Variants in APBB2 observed in about 807,000 individuals in gnomAD.
APBB2 encodes the protein Fe65-like 1.
APBB2 carries 38 observed loss-of-function variants against 82.5 expected under a neutral mutation model. The ratio of observed to expected loss-of-function variants is 0.46; its 90% CI spans 0.36 to 0.60. The LOEUF is 0.60. APBB2 is among the 20% of genes least tolerant of loss of function. APBB2 has a pLI of 0.00. For synonymous variants in APBB2, 341 were observed against 368.2 expected (o/e 0.93, Z 0.85); for missense variants, 772 against 972.3 (o/e 0.79, Z 2.74).
chr4:41,081,814 T>C (rs1373276753), intron 3 of APBB2, among the ~76,000 whole-genome samples: 3 of 152,222 alleles, frequency 2.0e-5, no homozygotes, highest in Non-Finnish European at 4.4e-5. Flanking sequence ...GAATTAAAAT[T>C]GCATTGATCA....
rs546656579 is a variant in APBB2 at position 40,855,766 on chromosome 4, C to T, written c.1530-25189G>A. ...AAAAAACAAAAAAAAGGAAGCAAAA[C>T]GGAAAGTAGGGTTCTTACTGAGCTA... On this transcript the variant is annotated intron_variant, in intron 12 of 17. Coordinates refer to ENST00000508593, the MANE Select transcript of APBB2 (RefSeq NM_004307.2). Among the ~76,000 whole-genome samples, 35 of 151,916 alleles carry T rather than the reference C, an allele frequency of 2.3e-4. 1 individual carries two copies. The highest frequency in any genetic ancestry group is 1.9e-3 in the Admixed American group (29 of 15,276).
At chr4:41,063,280 G>A (rs966113373) in intron 4 of APBB2, among the ~76,000 whole-genome samples, 4 of 152,152 alleles carry the variant, frequency 2.6e-5, no homozygotes, top group Non-Finnish European at 5.9e-5. Context: ...TTATGTAGGT[G>A]CTTATATAAC....
rs779756873 is a variant in APBB2 at position 40,832,914 on chromosome 4, C to T, written c.1530-2337G>A. On this transcript the variant is annotated intron_variant, in intron 12 of 17. Transcript: ENST00000508593. This position sits in a 1 kb window ranked among gnomAD's most constrained non-coding sequence, Gnocchi z 4.8. ...CATCCCTCCTTCCTGTTGGGAAAGT[C>T]GGTCCTTGCTCAGTACTGAATGGGT... Among the ~76,000 whole-genome samples the T allele has an allele frequency of 3.3e-5, 5 of 152,052 alleles. No homozygotes were observed. Among genetic ancestry groups the T allele is most frequent in the Admixed American group, 6.5e-5 (1 of 15,274 alleles).
At chr4:40,847,045 C>A (rs1757886329) in intron 12 of APBB2, among the ~76,000 whole-genome samples, 1 of 152,140 alleles carries the variant, frequency 6.6e-6, no homozygotes, top group African/African-American at 2.4e-5. Context: ...ATAATTTACA[C>A]CATGTTCCAG....
Position 40,814,820 on chromosome 4 carries a change from T to TA in APBB2, c.*1271dup, listed in dbSNP as rs1745190390. The TA allele has an allele frequency of 6.6e-6, 1 of 152,234 alleles. No individual in the cohort carries two copies. Among genetic ancestry groups the TA allele is most frequent in the African/African-American group, 2.4e-5 (1 of 41,458 alleles). The allele number at this position is 152,234 out of a possible 1,614,324, so 9.4% of individuals were successfully genotyped here. On this transcript the variant is annotated 3_prime_UTR_variant, in exon 18 of 18. Coordinates refer to ENST00000508593, the MANE Select transcript of APBB2 (RefSeq NM_004307.2). ...GAAAATGCTGTTTTGGGAAACTTGT[T>TA]AAACAGTCCATTACTCCTGTGTAGA...
chr4:41,007,849 G>A (rs564049552), intron 6 of APBB2, among the ~76,000 whole-genome samples: 1 of 152,288 alleles, frequency 6.6e-6, no homozygotes, highest in East Asian at 1.9e-4. Flanking sequence ...CGTGGCTGCT[G>A]CTTTCATGGA....
chr4:40,894,448 G>C (rs1773087413), intron 10 of APBB2, among the ~76,000 whole-genome samples: 1 of 152,182 alleles, frequency 6.6e-6, no homozygotes, highest in African/African-American at 2.4e-5. Context: ...AAACAGTGGA[G>C]ACAGAATGAA....
chr4:40,847,003 C>A lies in APBB2; in HGVS notation c.1530-16426G>T, dbSNP rs534918831. 9.2e-5 allele frequency among the ~76,000 whole-genome samples: 14 copies of A among 151,998 alleles called. No individual in the cohort carries two copies. The East Asian group carries it at 2.5e-3, about 27-fold the overall frequency. Reference sequence around the variant, plus strand: ...TCTGAATATCTGAGAGAAGAATACACACACAAATTATAGTTAGTTATTAAG... The same window carrying A: ...TCTGAATATCTGAGAGAAGAATACAAACACAAATTATAGTTAGTTATTAAG... On this transcript the variant is annotated intron_variant, in intron 12 of 17. Coordinates refer to ENST00000508593, the MANE Select transcript of APBB2 (RefSeq NM_004307.2).
chr4:41,106,730 C>A (rs1489804042), intron 2 of APBB2, among the ~76,000 whole-genome samples: 1 of 152,164 alleles, frequency 6.6e-6, no homozygotes, highest in Admixed American at 6.5e-5. Context: ...CCCACCTCGG[C>A]CTTCCAAAGT....
rs530156535 is a variant in APBB2, at chr4:40,967,801, G to A, written c.836-22728C>T. 2.8e-4 allele frequency among the ~76,000 whole-genome samples: 42 copies of A among 152,298 alleles called. No individual in the cohort carries two copies. In the South Asian group the frequency reaches 8.5e-3, roughly 31 times the overall value. Reference sequence around the variant, plus strand: ...TCGGGCAAAGGTGCAACCAGCCAGAGGTTTCATGCCAGAAGAGCTACACCT... The same window carrying A: ...TCGGGCAAAGGTGCAACCAGCCAGAAGTTTCATGCCAGAAGAGCTACACCT... On this transcript the variant is annotated intron_variant, in intron 6 of 17. Transcript: ENST00000508593.
rs556980518 is a variant in APBB2, at chr4:40,834,490, AGCCT to A, written c.1530-3917_1530-3914del. On this transcript the variant is annotated intron_variant, in intron 12 of 17. Transcript: ENST00000508593. Reference sequence around the variant, plus strand: ...CCAAGCATCACTTGCCTGTGTGAAAAGCCTGCCTTTTTGGCACCTGACTTCTGAA... The same window carrying A: ...CCAAGCATCACTTGCCTGTGTGAAAAGCCTTTTTGGCACCTGACTTCTGAA... 2.2e-4 allele frequency among the ~76,000 whole-genome samples: 34 copies of A among 152,242 alleles called. No individual in the cohort carries two copies. The East Asian group carries it at 6.6e-3, about 29-fold the overall frequency.
intron 1 of APBB2, among the ~76,000 whole-genome samples, chr4:41,172,326 G>T (rs555416266): frequency 6.9e-6 from 1 of 145,864 alleles, no homozygotes; most frequent in Non-Finnish European, 1.5e-5. Flanking sequence ...ACCCCCATCC[G>T]CCAGCCCCCT....
chr4:40,882,497 A>G lies in APBB2; in HGVS notation c.1529+7867T>C, dbSNP rs544136215. On this transcript the variant is annotated intron_variant, in intron 12 of 17. Coordinates refer to ENST00000508593, the MANE Select transcript of APBB2 (RefSeq NM_004307.2). ...AGTTCTGCATTTCTGTGAAGTTGGA[A>G]AAACTGCAAACTGGATTCAGAACTG... Among the ~76,000 whole-genome samples, 5 of 152,334 alleles carry G rather than the reference A, an allele frequency of 3.3e-5. No homozygotes were observed. In the South Asian group the frequency reaches 1.0e-3, roughly 32 times the overall value.
At chr4:41,000,569 T>C (rs1285576830) in intron 6 of APBB2, among the ~76,000 whole-genome samples, 1 of 152,144 alleles carries the variant, frequency 6.6e-6, no homozygotes, top group African/African-American at 2.4e-5. Flanking sequence ...GTAAATGTCA[T>C]CAGAGTTGAA....
At position 40,894,734 on chromosome 4, in the gene APBB2, C is replaced by T. The variant is rs570490993; in HGVS notation, c.1255-1323G>A. Among the ~76,000 whole-genome samples, 5 of 152,252 alleles carry T rather than the reference C, an allele frequency of 3.3e-5. No homozygotes were observed. In the South Asian group the frequency reaches 8.3e-4, roughly 25 times the overall value. ...TAAGGTTCTGTAATTCAATTTTTCC[C>T]TTTAATTAAAAAAGTTCTATATGCT... On this transcript the variant is annotated intron_variant, in intron 10 of 17. Coordinates refer to ENST00000508593, the MANE Select transcript of APBB2 (RefSeq NM_004307.2).
rs1784970448 is a variant in APBB2 at position 40,934,642 on chromosome 4, T to C, written c.1165A>G (p.Thr389Ala). ...AGTTTCAAAGATGCATAGCGTAGGG[T>C]TGCTCCTTCAAACTCTTTTAAACTG... ...DPSLKEFEGA[T>A]LRYASLKLRN... Residue 389 changes from threonine (T) to alanine (A), a missense_variant, in exon 9 of 18, where the codon ACC becomes GCC. Physicochemically the swap from Thr to Ala is moderately conservative, Grantham distance 58. Transcript: ENST00000508593. The C allele has an allele frequency of 1.9e-6, 3 of 1,613,994 alleles. No homozygotes were observed. Among genetic ancestry groups the C allele is most frequent in the Non-Finnish European group, 2.5e-6 (3 of 1,179,964 alleles).
At chr4:41,060,175 A>C (rs1729313551) in intron 4 of APBB2, among the ~76,000 whole-genome samples, 1 of 152,112 alleles carries the variant, frequency 6.6e-6, no homozygotes, top group Non-Finnish European at 1.5e-5. Context: ...AATTTACCAA[A>C]AGAGACAGTC....
intron 12 of APBB2, among the ~76,000 whole-genome samples, chr4:40,875,483 TTCAATATTTTATTTAAGCTAATA>T (rs1270616110): frequency 1.3e-5 from 2 of 152,234 alleles, no homozygotes; most frequent in Non-Finnish European, 2.9e-5. Context: ...TGAAATTAAT[TTCAATATTTTATTTAAGCTAATA>T]TGTCCAAAAT....
intron 12 of APBB2, among the ~76,000 whole-genome samples, chr4:40,851,319 G>A (rs1454601249): frequency 6.6e-6 from 1 of 152,134 alleles, no homozygotes; most frequent in Non-Finnish European, 1.5e-5. Context: ...AATCTTACAC[G>A]GATGCCCAAC....
Sources: gnomAD v4.1 joint callset for allele counts (sites outside exome capture counted in the v4.1 genomes callset) on GRCh38, gnomAD v4.1.1 for gene constraint, Gnocchi (gnomAD v3.1) non-coding constraint, MANE v1.5 for transcripts, NCBI Gene and HGNC (gene_info 2026-07-23, HGNC 2026-07-21) for gene names.